The following KANSL1 variants were observed in gnomAD, a reference collection of about 807,000 sequenced individuals.
The protein encoded by KANSL1 is KAT8 regulatory NSL complex subunit 1, also known as MLL1/MLL complex subunit KANSL1.
Under a neutral mutation model 103.6 loss-of-function variants are expected in KANSL1, and 22 were observed. The observed-to-expected ratio is 0.21, with a 90% CI of 0.15 to 0.30. The LOEUF (loss-of-function observed/expected upper bound fraction) is 0.30. KANSL1 is among the 10% of genes least tolerant of loss of function. The pLI is 1.00. For synonymous variants in KANSL1, 600 were observed against 527.6 expected (o/e 1.14, Z -1.88); for missense variants, 1,337 against 1,399.8 (o/e 0.96, Z 0.72).
At chr17:46,131,872 T>C (rs1007965630) in intron 2 of KANSL1, among the ~76,000 whole-genome samples, 1 of 152,206 alleles carries the variant, frequency 6.6e-6, no homozygotes, top group Non-Finnish European at 1.5e-5. Flanking sequence ...CTCATGCCTG[T>C]AATCCCAGCA....
intron 2 of KANSL1, among the ~76,000 whole-genome samples, chr17:46,116,360 C>G (rs1279593483): frequency 2.0e-5 from 3 of 152,144 alleles, no homozygotes; most frequent in Non-Finnish European, 4.4e-5. Flanking sequence ...GAAACCCCGT[C>G]TCTACTAAAA....
At chr17:46,067,833 G>A (rs2078436317) in intron 4 of KANSL1, among the ~76,000 whole-genome samples, 166 bp from the exon 5 acceptor site, 1 of 152,190 alleles carries the variant, frequency 6.6e-6, no homozygotes, top group Admixed American at 6.5e-5. Context: ...TCAGTGGTCA[G>A]GTATGATGGC....
chr17:46,210,222 C>T (rs2048110434), intron 1 of KANSL1, among the ~76,000 whole-genome samples: 1 of 152,114 alleles, frequency 6.6e-6, no homozygotes, highest in Non-Finnish European at 1.5e-5. Context: ...TGCCTGTAAT[C>T]CCAGCACTTT....
intron 3 of KANSL1, among the ~76,000 whole-genome samples, chr17:46,084,708 A>T (rs1056075177): frequency 1.3e-5 from 2 of 148,952 alleles, no homozygotes; most frequent in Admixed American, 1.3e-4. Context: ...AAAAAAAAAA[A>T]AAAAAAAAAA....
At chr17:46,085,220 T>A (rs2079121523) in intron 3 of KANSL1, among the ~76,000 whole-genome samples, 1 of 152,194 alleles carries the variant, frequency 6.6e-6, no homozygotes, top group African/African-American at 2.4e-5. Flanking sequence ...AAAAACTGAA[T>A]TAAAGGTTAA....
intron 3 of KANSL1, chr17:46,093,213 C>A (rs1412463835): frequency 6.6e-6 from 1 of 152,226 alleles, no homozygotes; most frequent in Non-Finnish European, 1.5e-5. Context: ...ACAGGCATAT[C>A]CAGTCACCTC....
At chr17:46,103,732 T>C (rs191056423) in intron 2 of KANSL1, among the ~76,000 whole-genome samples, 2 of 152,242 alleles carry the variant, frequency 1.3e-5, no homozygotes, top group Non-Finnish European at 2.9e-5. Flanking sequence ...ACTTGATAAT[T>C]TGACACCTCT....
intron 2 of KANSL1, among the ~76,000 whole-genome samples, chr17:46,136,174 T>C (rs1433678604): frequency 5.3e-5 from 8 of 152,080 alleles, no homozygotes; most frequent in Non-Finnish European, 1.2e-4. Context: ...GGGTCATGTA[T>C]TTGGGAAAAT....
intron 6 of KANSL1, among the ~76,000 whole-genome samples, chr17:46,063,973 C>A (rs1353161761): frequency 7.0e-6 from 1 of 142,950 alleles, no homozygotes; most frequent in Non-Finnish European, 1.5e-5. Context: ...TATTTTCCTA[C>A]ACTTGACAGT....
chr17:46,059,647 A>AAGAGAGAGAGAGAGAGAGAG (rs56065215), intron 6 of KANSL1, among the ~76,000 whole-genome samples: 38 of 54,864 alleles, frequency 6.9e-4, no homozygotes, highest in African/African-American at 2.2e-3. Flanking sequence ...AAAAAAAAAA[A>AAGAGAGAGAGAGAGAGAGAG]AGAGAGAGAG....
chr17:46,172,119 T>C lies in KANSL1; in HGVS notation c.25A>G (p.Thr9Ala), dbSNP rs1256411328. 1.9e-6 allele frequency: 3 copies of C among 1,608,322 alleles called. No individual in the cohort carries two copies. The highest frequency in any genetic ancestry group is 1.7e-6 in the Non-Finnish European group (2 of 1,180,016). The change falls in exon 2 of 15, where the codon ACT becomes GCT. Residue 9 changes from threonine to alanine, a missense_variant. Around this residue, in one of 2 missense-constraint regions of KANSL1, gnomAD observed 557 missense variants for 476.4 expected, o/e 1.17. Coordinates refer to ENST00000432791, the MANE Select transcript of KANSL1 (RefSeq NM_015443.4). ...TGGTGTGCTTCAGCTGCTGCGTCAG[T>C]GAGAGCGGGCGCCATCGCAGCCATT... is the stretch of plus-strand genomic sequence containing the variant. Reference protein sequence around the residue: MAAMAPALTDAAAEAHHIR... With the variant: MAAMAPALADAAAEAHHIR...
chr17:46,202,191 TA>T (rs56382917), intron 1 of KANSL1, among the ~76,000 whole-genome samples: 21,927 of 151,586 alleles, frequency 0.14, 2,137 homozygotes, highest in Non-Finnish European at 0.22. Flanking sequence ...AAGAAAAAGG[TA>T]AAAAAAAGAA....
chr17:46,106,390 TTTTTG>T (rs557058181), intron 2 of KANSL1, among the ~76,000 whole-genome samples: 5 of 152,216 alleles, frequency 3.3e-5, no homozygotes, highest in Non-Finnish European at 7.3e-5. Context: ...GACCATACTT[TTTTTG>T]TTTTGTTTTG....
rs1567764859 is a variant in KANSL1, at chr17:46,171,976, T to C, written c.168A>G (p.Ala56=). The C allele has an allele frequency of 6.2e-7, 1 of 1,614,274 alleles. No individual in the cohort carries two copies. ...ANGTKRKAIA[A]EDPSLDFRNN... ...TTCGGAAATCTAGGCTGGGATCCTC[T>C]GCAGCAATGGCTTTTCTTTTGGTTC... is the stretch of plus-strand genomic sequence containing the variant. The change falls in exon 2 of 15, where the codon GCA becomes GCG. Residue 56 remains alanine, a synonymous_variant. Coordinates refer to ENST00000432791, the MANE Select transcript of KANSL1 (RefSeq NM_015443.4).
chr17:46,143,843 C>T (rs1433728293), intron 2 of KANSL1, among the ~76,000 whole-genome samples: 1 of 150,928 alleles, frequency 6.6e-6, no homozygotes, highest in Non-Finnish European at 1.5e-5. Context: ...TTGTTATCTT[C>T]CCAGTAGAAG....
rs954922981 is a variant in KANSL1 at position 46,110,683 on chromosome 17, G to C, written c.1290-15982C>G. Among the ~76,000 whole-genome samples the C allele has an allele frequency of 8.5e-5, 13 of 152,322 alleles. No homozygotes were observed. In the Middle Eastern group the frequency reaches 0.01, roughly 120 times the overall value. ...GAAAAGATGCTGAAACAAATAAAAAGAGTATTTGATTGTCAAATATATGCT... is the reference window on the plus strand; with the variant it reads ...GAAAAGATGCTGAAACAAATAAAAACAGTATTTGATTGTCAAATATATGCT... On this transcript the variant is annotated intron_variant, in intron 2 of 14. Transcript: ENST00000432791.
chr17:46,097,615 T>C (rs1336914789), intron 2 of KANSL1, among the ~76,000 whole-genome samples: 1 of 152,238 alleles, frequency 6.6e-6, no homozygotes, highest in East Asian at 1.9e-4. Flanking sequence ...GTTTAAATAT[T>C]ACACTGGGGA....
At position 46,170,757 on chromosome 17, in the gene KANSL1, A is replaced by G; in HGVS notation, c.1289+98T>C. The G allele has an allele frequency of 5.3e-6, 7 of 1,313,968 alleles. No homozygotes were observed. The South Asian group carries it at 8.2e-5, about 15-fold the overall frequency. The allele number at this position is 1,313,968 out of a possible 1,614,324, so 81.4% of individuals were successfully genotyped here. On this transcript the variant is annotated intron_variant, in intron 2 of 14. Coordinates refer to ENST00000432791, the MANE Select transcript of KANSL1 (RefSeq NM_015443.4). ...AAAAACAAACAGAACCTAGACACCT[A>G]TGTACAAAGAATCACATTCTCTCCA... is the stretch of plus-strand genomic sequence containing the variant.
intron 3 of KANSL1, among the ~76,000 whole-genome samples, chr17:46,091,419 A>C (rs2079383144): frequency 6.6e-6 from 1 of 152,210 alleles, no homozygotes; most frequent in African/African-American, 2.4e-5. Flanking sequence ...TATTATTGAA[A>C]AAAATATTTA....
Sources: gnomAD v4.1 joint callset for allele counts (sites outside exome capture counted in the v4.1 genomes callset) on GRCh38, gnomAD v4.1.1 for gene constraint, gnomAD v4.1.1 regional missense constraint, MANE v1.5 for transcripts, NCBI Gene and HGNC (gene_info 2026-07-23, HGNC 2026-07-21) for gene names.